NCALD: variants seen among roughly 807,000 people sequenced by gnomAD.
NCALD encodes the protein neurocalcin delta.
In NCALD, 10 loss-of-function variants were observed where a neutral mutation model predicts 18.6. The ratio of observed to expected loss-of-function variants is 0.54; its 90% CI spans 0.33 to 0.91. The LOEUF (loss-of-function observed/expected upper bound fraction) is 0.91, where lower values mean the gene tolerates loss of function less well. Among genes scored for constraint, NCALD ranks in the 40% least tolerant of loss-of-function variants. The pLI is 0.03. For synonymous variants in NCALD, 88 were observed against 87.4 expected, an observed-to-expected ratio of 1.01 and a Z score of -0.04; for missense variants, 184 against 247.6, an observed-to-expected ratio of 0.74 and a Z score of 1.72.
At chr8:102,079,631 T>C (rs1370768576) in intron 1 of NCALD, among the ~76,000 whole-genome samples, 2 of 152,226 alleles carry the variant, frequency 1.3e-5, no homozygotes, top group Non-Finnish European at 2.9e-5. Context: ...TCAATGTGCA[T>C]TTCTTTAAGA....
At position 101,700,028 on chromosome 8, in the gene NCALD, T is replaced by TTTTATTTA. The variant is rs35567665; in HGVS notation, c.379-7140_379-7133dup. ...TCAACAAGACTGATATGCTCTCTAT[T>TTTTATTTA]TTTATTTATTTATTTATTTATTTAT... is the stretch of plus-strand genomic sequence containing the variant. On this transcript the variant is annotated intron_variant, in intron 2 of 3. Coordinates refer to ENST00000220931, the MANE Select transcript of NCALD (RefSeq NM_032041.3). Among the ~76,000 whole-genome samples, 493 of 149,982 alleles carry TTTTATTTA rather than the reference T, an allele frequency of 3.3e-3. 2 individuals are homozygous for TTTTATTTA. Among genetic ancestry groups the TTTTATTTA allele is most frequent in the East Asian group, 5.4e-3 (27 of 4,998 alleles).
At chr8:102,021,241 G>T (rs73275014) in intron 1 of NCALD, among the ~76,000 whole-genome samples, 4,922 of 152,194 alleles carry the variant, frequency 0.032, 261 homozygotes, top group African/African-American at 0.11. Flanking sequence ...TTGAGCAAAA[G>T]AATTAATAGA....
chr8:101,978,622 C>T (rs769666185), intron 2 of NCALD, among the ~76,000 whole-genome samples: 42 of 151,882 alleles, frequency 2.8e-4, no homozygotes, highest in Non-Finnish European at 5.3e-4. Flanking sequence ...AACCCTTCAA[C>T]TGAAGCATGC....
chr8:101,765,508 A>G (rs1811310304), intron 1 of NCALD, among the ~76,000 whole-genome samples: 1 of 152,214 alleles, frequency 6.6e-6, no homozygotes, highest in South Asian at 2.1e-4. Context: ...TCCTTTAAAA[A>G]ACATGCATAA....
In NCALD at chr8:101,719,572, T is replaced by G; in HGVS notation, c.58A>C (p.Thr20Pro). The G allele has an allele frequency of 6.2e-7, 1 of 1,612,586 alleles. No homozygotes were observed. The highest frequency in any genetic ancestry group is 8.5e-7 in the Non-Finnish European group (1 of 1,179,522). ...PEVMQDLLES[T>P]DFTEHEIQEW... ...TGGATCTCATGCTCTGTAAAGTCTG[T>G]GCTTTCCAGCAAGTCCTGCATGACC... is the stretch of plus-strand genomic sequence containing the variant. Residue 20 changes from threonine to proline, a missense_variant, in exon 2 of 4, where the codon ACA becomes CCA. Thr to Pro is a conservative substitution (Grantham distance 38). Coordinates refer to ENST00000220931, the MANE Select transcript of NCALD (RefSeq NM_032041.3).
intron 1 of NCALD, among the ~76,000 whole-genome samples, chr8:101,754,108 C>T (rs751082683): frequency 7.2e-5 from 11 of 152,186 alleles, no homozygotes; most frequent in South Asian, 6.2e-4. Context: ...GGGGGTGTGT[C>T]GACAGGTACC....
intron 4 of NCALD, among the ~76,000 whole-genome samples, chr8:101,880,694 A>G (rs944996030): frequency 1.3e-5 from 2 of 152,280 alleles, no homozygotes; most frequent in Admixed American, 1.3e-4. Flanking sequence ...TATACAAAAA[A>G]AAGAAAGTTT....
chr8:101,760,864 T>A (rs1180316834), intron 1 of NCALD, among the ~76,000 whole-genome samples: 1 of 152,178 alleles, frequency 6.6e-6, no homozygotes, highest in Non-Finnish European at 1.5e-5. Context: ...TTCAAAGGCA[T>A]CATAGAGATA....
At chr8:102,017,233 G>A (rs1350877316) in intron 2 of NCALD, among the ~76,000 whole-genome samples, 1 of 151,810 alleles carries the variant, frequency 6.6e-6, no homozygotes, top group Non-Finnish European at 1.5e-5. Context: ...AATATGTGAT[G>A]CTCAAAAATT....
At chr8:101,926,221 T>C (rs1350686244) in intron 2 of NCALD, among the ~76,000 whole-genome samples, 1 of 152,240 alleles carries the variant, frequency 6.6e-6, no homozygotes, top group Admixed American at 6.5e-5. Flanking sequence ...GGCTCATGAA[T>C]TCCTGCTTCT....
intron 1 of NCALD, among the ~76,000 whole-genome samples, chr8:102,055,981 C>T (rs553313315): frequency 1.3e-5 from 2 of 152,268 alleles, no homozygotes; most frequent in South Asian, 4.2e-4. Flanking sequence ...TCATTACATC[C>T]TTAGTGATCT....
chr8:101,795,647 A>G (rs1812611435), upstream of NCALD, among the ~76,000 whole-genome samples: 1 of 152,202 alleles, frequency 6.6e-6, no homozygotes, highest in South Asian at 2.1e-4. Context: ...GGGTTTCAAC[A>G]TATGAATTTG....
At chr8:102,106,737 G>A (rs1587096040) in intron 1 of NCALD, among the ~76,000 whole-genome samples, 1 of 152,132 alleles carries the variant, frequency 6.6e-6, no homozygotes, top group Non-Finnish European at 1.5e-5. Context: ...GCAGCTTCTT[G>A]TTCTTGTAGG....
intron 1 of NCALD, among the ~76,000 whole-genome samples, chr8:102,033,925 G>A (rs1375333593): frequency 6.6e-6 from 1 of 151,930 alleles, no homozygotes; most frequent in Non-Finnish European, 1.5e-5. Context: ...GTTGATACGG[G>A]AAGAAAGAAG....
chr8:101,920,232 G>A (rs184271748), intron 2 of NCALD, among the ~76,000 whole-genome samples: 7 of 152,242 alleles, frequency 4.6e-5, no homozygotes, highest in Non-Finnish European at 7.4e-5. Context: ...ACTCCAGCCC[G>A]AGTGAAACAG....
intron 4 of NCALD, among the ~76,000 whole-genome samples, chr8:101,863,318 T>C (rs1414145633): frequency 1.3e-5 from 2 of 152,272 alleles, no homozygotes; most frequent in Non-Finnish European, 2.9e-5. Context: ...ATCCGGATCT[T>C]GGTTCTGTAA....
intron 4 of NCALD, among the ~76,000 whole-genome samples, chr8:101,815,940 A>G (rs188720816): frequency 1.2e-4 from 18 of 152,268 alleles, no homozygotes; most frequent in Admixed American, 1.3e-4. Flanking sequence ...CATCCAGACA[A>G]TACAATATTA....
At chr8:101,703,700 G>A (rs1218655971) in intron 2 of NCALD, among the ~76,000 whole-genome samples, 1 of 152,204 alleles carries the variant, frequency 6.6e-6, no homozygotes, top group Non-Finnish European at 1.5e-5. Context: ...GTGATACCTG[G>A]TGGACTCACT....
rs543934737 is a variant in NCALD at position 101,782,881 on chromosome 8, G to A, written c.-20+7981C>T. On this transcript the variant is annotated intron_variant, in intron 1 of 3. Transcript: ENST00000220931. Reference sequence around the variant, plus strand: ...GTGGGAAGTTGTAGCCAGTGTGGAAGACGTAGCTCTGGCCCTCAAATGCAG... The same window carrying A: ...GTGGGAAGTTGTAGCCAGTGTGGAAAACGTAGCTCTGGCCCTCAAATGCAG... 2.0e-5 allele frequency among the ~76,000 whole-genome samples: 3 copies of A among 152,340 alleles called. No individual in the cohort carries two copies. The South Asian group carries it at 6.2e-4, about 32-fold the overall frequency.
Sources: gnomAD v4.1 joint callset for allele counts (sites outside exome capture counted in the v4.1 genomes callset) on GRCh38, gnomAD v4.1.1 for gene constraint, MANE v1.5 for transcripts, NCBI Gene and HGNC (gene_info 2026-07-23, HGNC 2026-07-21) for gene names.